The following FAM120A variants were observed in gnomAD, a reference collection of about 807,000 sequenced individuals.
FAM120A encodes family with sequence similarity 120 member A, also known as constitutive coactivator of PPAR-gamma-like protein 1.
Under a neutral mutation model 109.7 loss-of-function variants are expected in FAM120A, and 15 were observed. The observed-to-expected ratio is 0.14, with a 90% CI of 0.09 to 0.21. The LOEUF is 0.21. Ranked by LOEUF, FAM120A falls within the 10% of genes least tolerant of loss-of-function variation. The pLI, the probability that FAM120A is intolerant of heterozygous loss-of-function variation, is 1.00. For synonymous variants in FAM120A, 493 were observed against 572.8 expected (o/e 0.86, Z 1.99); for missense variants, 899 against 1,439.3 (o/e 0.62, Z 6.07).
rs1269826795 is a variant in FAM120A, at chr9:93,500,524, G to A, written c.1030+1638G>A. Among the ~76,000 whole-genome samples, 3 of 152,026 alleles carry A rather than the reference G, an allele frequency of 2.0e-5. No individual in the cohort carries two copies. The highest frequency in any genetic ancestry group is 2.1e-4 in the South Asian group (1 of 4,820). On this transcript the variant is annotated intron_variant, in intron 5 of 17. Coordinates refer to ENST00000277165, the MANE Select transcript of FAM120A (RefSeq NM_014612.5). The surrounding 1 kb of genome is among the most constrained non-coding windows in gnomAD (Gnocchi z 4.6). ...TGTCACCACCACCACCCCTTCCCCC[G>A]TCACTCCCCACAATGTAAAGTCTAG...
chr9:93,452,425 G>C lies in FAM120A; in HGVS notation c.474+36G>C, dbSNP rs746376434. The C allele has an allele frequency of 2.3e-5, 37 of 1,574,786 alleles. No homozygotes were observed. In the African/African-American group the frequency reaches 4.9e-4, roughly 21 times the overall value. On this transcript the variant is annotated intron_variant, in intron 1 of 17. Transcript: ENST00000277165. This position sits in a 1 kb window ranked among gnomAD's most constrained non-coding sequence, Gnocchi z 7.0. ...GGATCCGGGCGGGCCGGGGACCGGG[G>C]CCGCGCCGCACCCCTATCCCCCTTC...
intron 8 of FAM120A, among the ~76,000 whole-genome samples, chr9:93,528,814 TG>T (rs80026628): frequency 0.077 from 11,676 of 152,258 alleles, 579 homozygotes; most frequent in Non-Finnish European, 0.1. Flanking sequence ...TTTGGGTTTT[TG>T]TTTGTTCTTT....
chr9:93,452,898 T>C lies in FAM120A; in HGVS notation c.474+509T>C, dbSNP rs41274394. On this transcript the variant is annotated intron_variant, in intron 1 of 17. Transcript: ENST00000277165. The surrounding 1 kb of genome is among the most constrained non-coding windows in gnomAD (Gnocchi z 7.0). ...GTGCTGCTGCCGCCGCCCTTGCCAATGTTGTTAGCCCGGTGACAGCGAGAC... is the reference window on the plus strand; with the variant it reads ...GTGCTGCTGCCGCCGCCCTTGCCAACGTTGTTAGCCCGGTGACAGCGAGAC... 26,614 of 1,440,458 alleles carry C rather than the reference T, an allele frequency of 0.018. 315 individuals are homozygous for C. Among genetic ancestry groups the C allele is most frequent in the African/African-American group, 0.031 (2,157 of 69,616 alleles). The allele number at this position is 1,440,458 out of a possible 1,614,324, so 89.2% of individuals were successfully genotyped here.
chr9:93,456,829 A>G (rs1397495153), intron 1 of FAM120A, among the ~76,000 whole-genome samples: 1 of 152,214 alleles, frequency 6.6e-6, no homozygotes, highest in Non-Finnish European at 1.5e-5. Flanking sequence ...TAGGATAGGA[A>G]CAGTCATGTT....
chr9:93,519,747 C>T (rs1415132834), intron 7 of FAM120A, among the ~76,000 whole-genome samples: 2 of 152,032 alleles, frequency 1.3e-5, no homozygotes, highest in Non-Finnish European at 2.9e-5. Context: ...GTTTCCCCAA[C>T]AATGAATCAG....
chr9:93,544,168 T>C (rs1861802906), intron 11 of FAM120A, among the ~76,000 whole-genome samples: 1 of 152,228 alleles, frequency 6.6e-6, no homozygotes, highest in African/African-American at 2.4e-5. Context: ...CTTACGCACA[T>C]TGTCCCGGCT....
intron 7 of FAM120A, among the ~76,000 whole-genome samples, chr9:93,518,863 C>T (rs1196524874): frequency 1.3e-5 from 2 of 152,164 alleles, no homozygotes; most frequent in Non-Finnish European, 2.9e-5. Context: ...ACGGGCCGCA[C>T]GCAGCACAGG....
chr9:93,452,167 C>T lies in FAM120A; in HGVS notation c.252C>T (p.Ala84=). ...MLGYLAALAK[A]CFGGNIELFV... is the part of the protein sequence containing the mutation. ...GCTACCTGGCGGCGCTGGCCAAGGC[C>T]TGCTTCGGCGGCAACATCGAGCTCT... The change falls in exon 1 of 18, where the codon GCC becomes GCT. Residue 84 remains alanine, a synonymous_variant. Transcript: ENST00000277165. The surrounding 1 kb of genome is among the most constrained non-coding windows in gnomAD (Gnocchi z 7.0). 1 of 1,611,788 alleles carries T rather than the reference C, an allele frequency of 6.2e-7. No individual in the cohort carries two copies. Among genetic ancestry groups the T allele is most frequent in the Non-Finnish European group, 8.5e-7 (1 of 1,179,778 alleles).
chr9:93,522,060 A>G (rs1448446596), intron 7 of FAM120A, among the ~76,000 whole-genome samples: 3 of 152,254 alleles, frequency 2.0e-5, no homozygotes, highest in East Asian at 1.9e-4. Flanking sequence ...AGCCTGGGCA[A>G]CGGAGTGAGA....
At position 93,532,852 on chromosome 9, in the gene FAM120A, G is replaced by A. The variant is rs777688188; in HGVS notation, c.1909+523G>A. 2.0e-5 allele frequency among the ~76,000 whole-genome samples: 3 copies of A among 152,288 alleles called. No individual in the cohort carries two copies. Among genetic ancestry groups the A allele is most frequent in the East Asian group, 1.9e-4 (1 of 5,190 alleles). On this transcript the variant is annotated intron_variant, in intron 10 of 17. Coordinates refer to ENST00000277165, the MANE Select transcript of FAM120A (RefSeq NM_014612.5). The surrounding 1 kb of genome is among the most constrained non-coding windows in gnomAD (Gnocchi z 4.3). ...TCGCAGGATTGTGATGATTTGTCTC[G>A]GAATCCTCTGAGACCTGTGCACTTC...
intron 3 of FAM120A, among the ~76,000 whole-genome samples, chr9:93,478,377 A>G (rs1209960864): frequency 6.6e-6 from 1 of 151,800 alleles, no homozygotes; most frequent in East Asian, 1.9e-4. Flanking sequence ...ATCCTAAATT[A>G]TTTTTCAGAT....
chr9:93,539,059 G>T (rs1198121681), intron 10 of FAM120A, among the ~76,000 whole-genome samples: 1 of 148,062 alleles, frequency 6.8e-6, no homozygotes, highest in Non-Finnish European at 1.5e-5. Context: ...GTGGAGTGGC[G>T]CAATCTCGGC....
intron 3 of FAM120A, among the ~76,000 whole-genome samples, chr9:93,489,931 C>G (rs867291896): frequency 6.6e-6 from 1 of 152,204 alleles, no homozygotes; most frequent in Non-Finnish European, 1.5e-5. Flanking sequence ...GGGGACTACA[C>G]TTTGAGCTTT....
intron 3 of FAM120A, 55 bp from the exon 4 acceptor site, chr9:93,497,416 A>C: frequency 6.3e-7 from 1 of 1,597,606 alleles, no homozygotes; most frequent in Non-Finnish European, 8.5e-7. Flanking sequence ...CATTCAGATT[A>C]GCCTGGTACT....
Position 93,500,672 on chromosome 9 carries a change from T to A in FAM120A, c.1030+1786T>A, listed in dbSNP as rs192976393. Among the ~76,000 whole-genome samples the A allele has an allele frequency of 5.3e-5, 8 of 152,328 alleles. No homozygotes were observed. The East Asian group carries it at 1.4e-3, about 26-fold the overall frequency. ...TGAAGTGGTGAGATGTGTTTTAGGA[T>A]TATTTTTGGAAAAGGGGGCACAGAG... is the stretch of plus-strand genomic sequence containing the variant. On this transcript the variant is annotated intron_variant, in intron 5 of 17. Coordinates refer to ENST00000277165, the MANE Select transcript of FAM120A (RefSeq NM_014612.5). This position sits in a 1 kb window ranked among gnomAD's most constrained non-coding sequence, Gnocchi z 4.6.
chr9:93,495,576 G>A (rs1267024474), intron 3 of FAM120A, among the ~76,000 whole-genome samples: 1 of 152,246 alleles, frequency 6.6e-6, no homozygotes, highest in Non-Finnish European at 1.5e-5. Flanking sequence ...ACACAGTACT[G>A]TAGTCTATTA....
intron 13 of FAM120A, 105 bp from the exon 14 acceptor site, chr9:93,557,722 G>A: frequency 9.0e-7 from 1 of 1,110,982 alleles, no homozygotes; most frequent in South Asian, 1.6e-5. Context: ...ATGAATAAAG[G>A]GAACCAACTG....
rs752750727 is a variant in FAM120A at position 93,452,600 on chromosome 9, C to T, written c.474+211C>T. ...TGCCCAAGCCCGTCTCCAGCTGTCCCTGTTCGGGGTCCGCGGCCGCGTGGG... is the reference window on the plus strand; with the variant it reads ...TGCCCAAGCCCGTCTCCAGCTGTCCTTGTTCGGGGTCCGCGGCCGCGTGGG... On this transcript the variant is annotated intron_variant, in intron 1 of 17. Transcript: ENST00000277165. The surrounding 1 kb of genome is among the most constrained non-coding windows in gnomAD (Gnocchi z 7.0). 2 of 1,598,794 alleles carry T rather than the reference C, an allele frequency of 1.3e-6. No individual in the cohort carries two copies. Among genetic ancestry groups the T allele is most frequent in the African/African-American group, 1.3e-5 (1 of 74,908 alleles).
intron 11 of FAM120A, among the ~76,000 whole-genome samples, chr9:93,545,779 C>CTTTTTTTTTTTTTT (rs1564355502): frequency 5.7e-5 from 5 of 87,020 alleles, no homozygotes; most frequent in East Asian, 3.8e-4. Flanking sequence ...GGGAAAGACT[C>CTTTTTTTTTTTTTT]CTTTTTTTTT....
Sources: allele counts gnomAD v4.1 joint callset (sites outside exome capture counted in the v4.1 genomes callset), GRCh38; gene constraint gnomAD v4.1.1; non-coding constraint Gnocchi (gnomAD v3.1); transcripts MANE v1.5; gene names NCBI Gene and HGNC (gene_info 2026-07-23, HGNC 2026-07-21).